RALGDS: variants seen among roughly 807,000 people sequenced by gnomAD.
RALGDS encodes ral guanine nucleotide exchange factor.
A neutral mutation model predicts 99.8 loss-of-function variants in RALGDS; 44 were observed. That is an observed-to-expected ratio of 0.44 (90% CI 0.35 to 0.57). The LOEUF is 0.57. RALGDS is among the 20% of genes least tolerant of loss of function. RALGDS has a pLI of 0.01. For missense variants in RALGDS, 1,022 were observed against 1,203.1 expected (o/e 0.85, Z 2.23); for synonymous variants, 529 against 505.0 (o/e 1.05, Z -0.64).
chr9:133,120,438 C>CCG (rs1554742352), intron 1 of RALGDS, among the ~76,000 whole-genome samples: 1 of 143,090 alleles, frequency 7.0e-6, no homozygotes, highest in Non-Finnish European at 1.5e-5. Flanking sequence ...ACCCCCCCCC[C>CCG]ACCCCGCTCT....
chr9:133,147,768 G>C lies in RALGDS; in HGVS notation c.18+1195C>G, dbSNP rs1394882571. Among the ~76,000 whole-genome samples, 16 of 152,350 alleles carry C rather than the reference G, an allele frequency of 1.1e-4. 1 individual carries two copies. The East Asian group carries it at 2.7e-3, about 26-fold the overall frequency. Reference sequence around the variant, plus strand: ...AAACACACACCTTTGTTTGGGTGTTGTCAAGGTAGCAGCTCTCCTGAGTCC... The same window carrying C: ...AAACACACACCTTTGTTTGGGTGTTCTCAAGGTAGCAGCTCTCCTGAGTCC... On this transcript the variant is annotated intron_variant, in intron 1 of 17. Coordinates refer to the RALGDS transcript ENST00000393160.
intron 2 of RALGDS, 128 bp from the exon 3 acceptor site, chr9:133,110,617 G>T (rs1310218530): frequency 1.3e-5 from 11 of 826,178 alleles, no homozygotes; most frequent in East Asian, 2.6e-5. Context: ...GCAGAAAAAG[G>T]TTATCAGCTT....
chr9:133,101,552 C>G lies in RALGDS; in HGVS notation c.2422G>C (p.Val808Leu), dbSNP rs150849255. 21 of 1,612,242 alleles carry G rather than the reference C, an allele frequency of 1.3e-5. 1 individual carries two copies. In the African/African-American group the frequency reaches 1.9e-4, roughly 14 times the overall value. The change falls in exon 16 of 18, where the codon GTG becomes CTG. Residue 808 changes from valine to leucine, a missense_variant. Coordinates refer to ENST00000372050, the MANE Select transcript of RALGDS (RefSeq NM_006266.4). ...DCCIIRVSLD[V>L]DNGNMYKSIL... ...CTCTTGTACATGTTGCCATTGTCCACGTCCAGGCTGACGCGGATGATACAG... is the reference window on the plus strand; with the variant it reads ...CTCTTGTACATGTTGCCATTGTCCAGGTCCAGGCTGACGCGGATGATACAG...
At chr9:133,115,668 G>A (rs1214633742) in intron 1 of RALGDS, among the ~76,000 whole-genome samples, 3 of 152,170 alleles carry the variant, frequency 2.0e-5, no homozygotes, top group South Asian at 2.1e-4. Flanking sequence ...CACACAGCTC[G>A]GTGACCGGCA....
At chr9:133,109,889 A>T (rs1831255712) in intron 3 of RALGDS, among the ~76,000 whole-genome samples, 168 bp from the exon 4 acceptor site, 1 of 152,036 alleles carries the variant, frequency 6.6e-6, no homozygotes, top group Non-Finnish European at 1.5e-5. Context: ...ATAAGTCCCA[A>T]CCAGCTCCTT....
chr9:133,105,842 CGCCCCAG>C, intron 9 of RALGDS, 83 bp downstream of exon 9: 3 of 79,374 alleles, frequency 3.8e-5, no homozygotes, highest in Non-Finnish European at 5.1e-5. Flanking sequence ...CCCCAGCCCC[CGCCCCAG>C]CCCCCGCCCC....
chr9:133,099,644 A>ACG (rs1204717630), intron 17 of RALGDS: 1 of 6,754 alleles, frequency 1.5e-4, no homozygotes, highest in Non-Finnish European at 6.3e-4. Flanking sequence ...ATACACATAT[A>ACG]TACATACATA....
intron 5 of RALGDS, 53 bp downstream of exon 5, chr9:133,108,620 C>T (rs1831190486): frequency 1.2e-6 from 2 of 1,602,188 alleles, no homozygotes; most frequent in East Asian, 2.2e-5. Flanking sequence ...TCGTGTGGCC[C>T]AGCACCGACC....
chr9:133,142,412 A>T (rs1832539489), intron 1 of RALGDS, among the ~76,000 whole-genome samples: 1 of 152,124 alleles, frequency 6.6e-6, no homozygotes, highest in Non-Finnish European at 1.5e-5. Flanking sequence ...CCCATCGGAA[A>T]GCCCCAGCCC....
chr9:133,109,532 G>T, intron 4 of RALGDS, 94 bp downstream of exon 4: 1 of 1,173,870 alleles, frequency 8.5e-7, no homozygotes, highest in Non-Finnish European at 1.3e-6. Flanking sequence ...CCAGGGTTCT[G>T]CCCAGCCAGC....
upstream of RALGDS, among the ~76,000 whole-genome samples, chr9:133,121,932 C>T (rs984087332): frequency 9.4e-6 from 1 of 106,186 alleles, no homozygotes; most frequent in African/African-American, 3.4e-5. Flanking sequence ...GAGTGGGGCC[C>T]TACCTTTTTG....
intron 1 of RALGDS, 51 bp downstream of exon 1, chr9:133,120,921 G>T: frequency 6.9e-7 from 1 of 1,449,434 alleles, no homozygotes; most frequent in South Asian, 1.3e-5. Flanking sequence ...GCTCTGCCGC[G>T]GGTGGGGAGG....
At chr9:133,102,926 GGT>G (rs748342744) in intron 12 of RALGDS, 26 bp from the exon 13 acceptor site, 1 of 1,611,826 alleles carries the variant, frequency 6.2e-7, no homozygotes, top group Non-Finnish European at 8.5e-7. Context: ...AGCACAGGGC[GGT>G]GACAAGGCCC....
intron 1 of RALGDS, among the ~76,000 whole-genome samples, chr9:133,145,473 C>T (rs954821736): frequency 1.4e-5 from 2 of 147,800 alleles, no homozygotes; most frequent in African/African-American, 5.3e-5. Flanking sequence ...TTCAGATGTT[C>T]GTAAAAATCT....
intron 7 of RALGDS, 37 bp from the exon 8 acceptor site, chr9:133,106,785 G>T: frequency 6.7e-7 from 1 of 1,487,570 alleles, no homozygotes; most frequent in Non-Finnish European, 9.3e-7. Flanking sequence ...AGGTGGGGCT[G>T]GAGCTCCCAG....
At position 133,101,655 on chromosome 9, in the gene RALGDS, G is replaced by A; in HGVS notation, c.2319C>T (p.Arg773=). The change falls in exon 16 of 18, where the codon CGC becomes CGT. Residue 773 remains arginine (R), a synonymous_variant. Transcript: ENST00000372050. ...GCCCTGAGACAGAGCGCTTGTGGGTGCGTGTGGCAGCCACGGGCGTGGTGG... is the reference window on the plus strand; with the variant it reads ...GCCCTGAGACAGAGCGCTTGTGGGTACGTGTGGCAGCCACGGGCGTGGTGG... ...SASTTPVAAT[R]THKRSVSGLC... 6.2e-7 allele frequency: 1 copy of A among 1,613,866 alleles called. No homozygotes were observed. The highest frequency in any genetic ancestry group is 1.1e-5 in the South Asian group (1 of 91,092).
chr9:133,133,704 G>C (rs915963862), upstream of RALGDS, among the ~76,000 whole-genome samples: 44 of 152,214 alleles, frequency 2.9e-4, no homozygotes, highest in African/African-American at 1.1e-3. Flanking sequence ...CTGACCCCAG[G>C]CTTCTCCCAG....
rs748084091 is a variant in RALGDS at position 133,112,078 on chromosome 9, C to A, written c.258G>T (p.Leu86=). ...IYSISLRKVQ[L]HHGGNKGQRW... ...GCTGCCCCTTGTTGCCTCCGTGGTGCAGCTGCACCTTGCGCAGGGAGATGG... is the reference window on the plus strand; with the variant it reads ...GCTGCCCCTTGTTGCCTCCGTGGTGAAGCTGCACCTTGCGCAGGGAGATGG... Residue 86 remains leucine (L), a synonymous_variant, in exon 2 of 18, where the codon CTG becomes CTT. Transcript: ENST00000372050. 5.0e-5 allele frequency: 79 copies of A among 1,586,074 alleles called. No homozygotes were observed. The highest frequency in any genetic ancestry group is 6.6e-5 in the Non-Finnish European group (77 of 1,165,240).
intron 1 of RALGDS, among the ~76,000 whole-genome samples, chr9:133,114,916 C>T (rs746651973): frequency 1.3e-5 from 2 of 152,162 alleles, no homozygotes; most frequent in African/African-American, 2.4e-5. Context: ...TGAGCAGGGG[C>T]CCCCACACCC....
Sources: allele counts gnomAD v4.1 joint callset (sites outside exome capture counted in the v4.1 genomes callset), GRCh38; gene constraint gnomAD v4.1.1; transcripts MANE v1.5; gene names NCBI Gene and HGNC (gene_info 2026-07-23, HGNC 2026-07-21).